The following DGKD variants were observed in gnomAD, a reference collection of about 807,000 sequenced individuals.
DGKD encodes DAG kinase delta.
DGKD carries 68 observed loss-of-function variants against 154.4 expected under a neutral mutation model. The ratio of observed to expected loss-of-function variants is 0.44; its 90% confidence interval spans 0.36 to 0.54. DGKD has a LOEUF of 0.54. Ranked by LOEUF, DGKD falls within the 20% of genes least tolerant of loss-of-function variation. The pLI is 0.00. For synonymous variants in DGKD, 693 were observed against 638.0 expected, an observed-to-expected ratio of 1.09 and a Z score of -1.30; for missense variants, 1,343 against 1,593.6, an observed-to-expected ratio of 0.84 and a Z score of 2.68.
chr2:233,463,598 ATCTCC>A (rs1559183990), intron 26 of DGKD, among the ~76,000 whole-genome samples: 1 of 141,406 alleles, frequency 7.1e-6, no homozygotes, highest in East Asian at 2.2e-4. Context: ...CACTCCACGC[ATCTCC>A]TCACTCCACG....
chr2:233,359,538 C>A (rs140249690), intron 1 of DGKD, among the ~76,000 whole-genome samples: 8 of 146,948 alleles, frequency 5.4e-5, no homozygotes, highest in African/African-American at 1.8e-4. Context: ...TTCCCTGATT[C>A]CATTTTTCTC....
At position 233,408,049 on chromosome 2, in the gene DGKD, T is replaced by G. The variant is rs113821685; in HGVS notation, c.348+17566T>G. Among the ~76,000 whole-genome samples, 74 of 151,790 alleles carry G rather than the reference T, an allele frequency of 4.9e-4. 1 individual carries two copies. Among genetic ancestry groups the G allele is most frequent in the African/African-American group, 9.9e-4 (41 of 41,436 alleles). On this transcript the variant is annotated intron_variant, in intron 3 of 29. Transcript: ENST00000264057. ...GCTCGGAGAGAGGAAAAACTGTTTT[T>G]TTTTTTTTTTTTCAGATGAGTCTCA...
chr2:233,455,280 G>A (rs74726754), intron 19 of DGKD, among the ~76,000 whole-genome samples: 3 of 152,138 alleles, frequency 2.0e-5, no homozygotes, highest in Non-Finnish European at 4.4e-5. Flanking sequence ...CATCACACCC[G>A]AGCCTGCCCA....
intron 4 of DGKD, 127 bp downstream of exon 4, chr2:233,434,611 A>G (rs559225948): frequency 2.5e-4 from 351 of 1,431,488 alleles, no homozygotes; most frequent in Middle Eastern, 3.5e-4. Flanking sequence ...TGTTCTTTAT[A>G]CAATTAAAGC....
At position 233,397,515 on chromosome 2, in the gene DGKD, C is replaced by T. The variant is rs1413262627; in HGVS notation, c.348+7032C>T. 4.2e-5 allele frequency among the ~76,000 whole-genome samples: 3 copies of T among 71,762 alleles called. No individual in the cohort carries two copies. In the Admixed American group the frequency reaches 5.8e-4, roughly 14 times the overall value. 47.1% of individuals were successfully genotyped at this position (71,762 alleles called of 152,430 possible). ...GGGGCCAGAGCGAGGCGAGAGGACACCAGAGGGGACCAGGGTGGCTGGGGG... is the reference window on the plus strand; with the variant it reads ...GGGGCCAGAGCGAGGCGAGAGGACATCAGAGGGGACCAGGGTGGCTGGGGG... On this transcript the variant is annotated intron_variant, in intron 3 of 29. Transcript: ENST00000264057.
At chr2:233,362,776 C>T (rs183501207) in intron 1 of DGKD, among the ~76,000 whole-genome samples, 267 of 152,354 alleles carry the variant, frequency 1.8e-3, no homozygotes, top group Admixed American at 4.4e-3. Context: ...CTGGTACACC[C>T]TTGTGCTCTG....
chr2:233,412,637 G>A (rs1323753929), intron 3 of DGKD, among the ~76,000 whole-genome samples: 1 of 152,176 alleles, frequency 6.6e-6, no homozygotes, highest in African/African-American at 2.4e-5. Context: ...GTGTTGAATA[G>A]GAGTAGCGAA....
At chr2:233,439,411 C>CA (rs1321124330) in intron 9 of DGKD, among the ~76,000 whole-genome samples, 2 of 152,238 alleles carry the variant, frequency 1.3e-5, no homozygotes, top group African/African-American at 4.8e-5. Flanking sequence ...CATCCCCACT[C>CA]ACAGCCAGGC....
rs190166400 is a variant in DGKD at position 233,433,813 on chromosome 2, A to G, written c.349-567A>G. On this transcript the variant is annotated intron_variant, in intron 3 of 29. Coordinates refer to ENST00000264057, the MANE Select transcript of DGKD (RefSeq NM_152879.3). ...AAGATTTTTTTTCTACTGATTGATAAGAACCCTTTATATATTATGGATATC... is the reference window on the plus strand; with the variant it reads ...AAGATTTTTTTTCTACTGATTGATAGGAACCCTTTATATATTATGGATATC... Among the ~76,000 whole-genome samples the G allele has an allele frequency of 1.4e-3, 220 of 152,340 alleles. 1 individual carries two copies. The highest frequency in any genetic ancestry group is 2.8e-3 in the Non-Finnish European group (193 of 68,022).
In DGKD at chr2:233,464,298, G is replaced by C. The variant is rs2063761018; in HGVS notation, c.3306+15G>C. On this transcript the variant is annotated intron_variant, in intron 27 of 29. Transcript: ENST00000264057. Reference sequence around the variant, plus strand: ...GCGACGAAGAGGTATGTGGCTCATAGGGCTGTGCCTGGGTCTCCCGGACAT... The same window carrying C: ...GCGACGAAGAGGTATGTGGCTCATACGGCTGTGCCTGGGTCTCCCGGACAT... 1 of 1,612,332 alleles carries C rather than the reference G, an allele frequency of 6.2e-7. No individual in the cohort carries two copies. Among genetic ancestry groups the C allele is most frequent in the South Asian group, 1.1e-5 (1 of 91,044 alleles).
At chr2:233,462,587 CT>C (rs2063683937) in intron 25 of DGKD, 55 bp from the exon 26 acceptor site, 3 of 1,576,786 alleles carry the variant, frequency 1.9e-6, no homozygotes, top group Non-Finnish European at 2.6e-6. Context: ...TTCCCTGCCC[CT>C]AACCGTGCAT....
intron 1 of DGKD, among the ~76,000 whole-genome samples, chr2:233,373,907 T>G (rs13416999): frequency 0.018 from 2,733 of 152,218 alleles, 75 homozygotes; most frequent in African/African-American, 0.062. Context: ...ACATATAGAA[T>G]AATAATACAC....
At chr2:233,399,221 G>A (rs756861002) in intron 3 of DGKD, among the ~76,000 whole-genome samples, 86 of 152,318 alleles carry the variant, frequency 5.6e-4, no homozygotes, top group Middle Eastern at 3.4e-3. Context: ...TATGCTACAT[G>A]AGAGCAAGGA....
At chr2:233,390,152 A>G (rs1703497902) in intron 2 of DGKD, among the ~76,000 whole-genome samples, 1 of 152,118 alleles carries the variant, frequency 6.6e-6, no homozygotes, top group Non-Finnish European at 1.5e-5. Context: ...TCCTTCACTA[A>G]TGCAATGACA....
intron 3 of DGKD, among the ~76,000 whole-genome samples, chr2:233,426,135 A>G (rs2062289621): frequency 6.6e-6 from 1 of 152,240 alleles, no homozygotes; most frequent in African/African-American, 2.4e-5. Context: ...AAACGTTGAA[A>G]ATCCATTTCT....
chr2:233,410,196 G>A (rs1053650597), intron 3 of DGKD, among the ~76,000 whole-genome samples: 16 of 152,038 alleles, frequency 1.1e-4, no homozygotes, highest in Admixed American at 1.0e-3. Flanking sequence ...TTAGATGTTT[G>A]GAAAATAGTT....
rs1491038043 is a variant in DGKD at position 233,370,568 on chromosome 2, TTC to T, written c.156+15896_156+15897del. On this transcript the variant is annotated intron_variant, in intron 1 of 29. Transcript: ENST00000264057. ...TTTACGTTGTACGTTTCAGAACTTC[TTC>T]TTTTTTTTTTTTTTTTTTTGTTTGA... Among the ~76,000 whole-genome samples the T allele has an allele frequency of 9.0e-4, 92 of 102,682 alleles. 1 individual carries two copies. Among genetic ancestry groups the T allele is most frequent in the African/African-American group, 2.3e-3 (54 of 23,360 alleles). 67.4% of individuals were successfully genotyped at this position (102,682 alleles called of 152,430 possible).
At chr2:233,443,508 T>C (rs1260072448) in intron 10 of DGKD, among the ~76,000 whole-genome samples, 1 of 152,252 alleles carries the variant, frequency 6.6e-6, no homozygotes, top group Non-Finnish European at 1.5e-5. Flanking sequence ...CTGTCATATT[T>C]GCAGCTGCCT....
intron 1 of DGKD, among the ~76,000 whole-genome samples, chr2:233,385,426 C>T (rs889376330): frequency 6.6e-6 from 1 of 152,172 alleles, no homozygotes; most frequent in East Asian, 1.9e-4. Flanking sequence ...CTGACTGGAG[C>T]TTAAGAGTTT....
Sources: allele counts gnomAD v4.1 joint callset (sites outside exome capture counted in the v4.1 genomes callset), GRCh38; gene constraint gnomAD v4.1.1; transcripts MANE v1.5; gene names NCBI Gene and HGNC (gene_info 2026-07-23, HGNC 2026-07-21).